Variants in TMEM272 observed in about 807,000 individuals in gnomAD.
TMEM272 encodes the protein transmembrane protein 272.
TMEM272 carries 8 observed loss-of-function variants against 3.7 expected under a neutral mutation model. The observed-to-expected ratio is 2.17, with a 90% CI of 1.27 to 3.91. The LOEUF is 3.91. Among genes scored for constraint, TMEM272 ranks in the 30% most tolerant of loss-of-function variants. The probability of loss-of-function intolerance (pLI) is 0.00; values close to 1 mark genes in which losing one functional copy is unlikely to be tolerated. For synonymous variants in TMEM272, 63 were observed against 39.8 expected (o/e 1.58, Z -2.20); for missense variants, 166 against 91.5 (o/e 1.81, Z -3.32).
At chr13:51,861,650 G>C in the TMEM272 span, among the ~76,000 whole-genome samples, 1 of 152,178 alleles carries the variant, frequency 6.6e-6, no homozygotes, top group Non-Finnish European at 1.5e-5. Flanking sequence ...ATGAGCCCTA[G>C]AAGGAGAGGA....
the TMEM272 span, among the ~76,000 whole-genome samples, chr13:51,878,639 A>AT: frequency 2.0e-5 from 3 of 152,072 alleles, no homozygotes; most frequent in Admixed American, 6.5e-5. Flanking sequence ...CCAATAGCTT[A>AT]TTTTTTAAGT....
the TMEM272 span, chr13:51,910,367 TAGTCCAGAAAGCGCTATAGCA>T: frequency 2.6e-6 from 3 of 1,134,558 alleles, no homozygotes; most frequent in Non-Finnish European, 4.0e-6. Context: ...TTTCTTCAAT[TAGTCCAGAAAGCGCTATAGCA>T]AGCTCTTTCT....
the TMEM272 span, among the ~76,000 whole-genome samples, chr13:51,873,827 T>C: frequency 1.6e-4 from 24 of 152,346 alleles, no homozygotes; most frequent in Middle Eastern, 3.4e-3. Context: ...ACCCATCTTC[T>C]AGCAGACTGT....
the TMEM272 span, among the ~76,000 whole-genome samples, chr13:51,867,420 G>C: frequency 1.3e-5 from 2 of 152,230 alleles, no homozygotes; most frequent in Admixed American, 6.5e-5. Context: ...TTGGCTGATA[G>C]TGGTGTCAAT....
At chr13:51,824,046 T>C (rs560792096) in intron 3 of TMEM272, among the ~76,000 whole-genome samples, 19 of 152,374 alleles carry the variant, frequency 1.2e-4, no homozygotes, top group African/African-American at 3.6e-4. Context: ...ATGGACTGCC[T>C]TTCAATTCAA....
chr13:51,831,715 T>C (rs1473020320), intron 2 of TMEM272, among the ~76,000 whole-genome samples: 1 of 152,248 alleles, frequency 6.6e-6, no homozygotes, highest in African/African-American at 2.4e-5. Flanking sequence ...TCCTCAGTCT[T>C]TGGAGCTCTC....
chr13:51,843,557 T>C (rs187814894), intron 1 of TMEM272, among the ~76,000 whole-genome samples: 89 of 152,356 alleles, frequency 5.8e-4, no homozygotes, highest in Admixed American at 4.7e-3. Context: ...TTTTAGTCAA[T>C]TTCTATACCT....
chr13:51,868,451 A>G, the TMEM272 span, among the ~76,000 whole-genome samples: 1 of 152,262 alleles, frequency 6.6e-6, no homozygotes, highest in Non-Finnish European at 1.5e-5. Flanking sequence ...TAAGCTGTGT[A>G]CAACTAATAT....
At chr13:51,826,646 A>C (rs1481661796) in intron 2 of TMEM272, 21 bp from the exon 3 acceptor site, 1 of 702,548 alleles carries the variant, frequency 1.4e-6, no homozygotes, top group African/African-American at 1.7e-5. Flanking sequence ...AAGAAGGGGC[A>C]GGCACTGGGT....
At chr13:51,930,134 C>A in the TMEM272 span, among the ~76,000 whole-genome samples, 2 of 152,120 alleles carry the variant, frequency 1.3e-5, no homozygotes, top group African/African-American at 4.8e-5. Context: ...CCTTCCCCCC[C>A]CCCACTTTCT....
At chr13:51,817,674 T>A (rs1034943707) in intron 4 of TMEM272, among the ~76,000 whole-genome samples, 1 of 152,178 alleles carries the variant, frequency 6.6e-6, no homozygotes, top group Non-Finnish European at 1.5e-5. Flanking sequence ...CTTGGAAGTT[T>A]GTACCACTGC....
At chr13:51,822,264 C>G in intron 3 of TMEM272, 127 bp from the exon 4 acceptor site, 1 of 590,942 alleles carries the variant, frequency 1.7e-6, no homozygotes, top group Middle Eastern at 2.6e-4. Flanking sequence ...CTTGTGGGAT[C>G]TGCTCAGCCT....
chr13:51,824,474 T>C lies in TMEM272; in HGVS notation c.118+2092A>G, dbSNP rs1270835770. Among the ~76,000 whole-genome samples, 9 of 152,240 alleles carry C rather than the reference T, an allele frequency of 5.9e-5. 1 individual carries two copies. Among genetic ancestry groups the C allele is most frequent in the Non-Finnish European group, 8.8e-5 (6 of 68,050 alleles). On this transcript the variant is annotated intron_variant, in intron 3 of 4. Transcript: ENST00000629372. ...CCATCACCACTATCTATTTCCAAAA[T>C]GTTTTCATCACCCCAAACACAAACT...
chr13:51,885,749 T>C, the TMEM272 span, among the ~76,000 whole-genome samples: 189 of 152,334 alleles, frequency 1.2e-3, no homozygotes, highest in African/African-American at 4.4e-3. Context: ...TTTCCCCTCC[T>C]AGGCACTTCC....
the TMEM272 span, among the ~76,000 whole-genome samples, chr13:51,882,059 G>A: frequency 3.9e-5 from 6 of 152,152 alleles, no homozygotes; most frequent in Non-Finnish European, 8.8e-5. Flanking sequence ...TTTCATTTAC[G>A]AAATTGTATT....
the TMEM272 span, chr13:51,865,324 C>T: frequency 1.4e-6 from 2 of 1,434,516 alleles, no homozygotes; most frequent in South Asian, 1.4e-5. Context: ...TTTCTGCTGC[C>T]CCCACAGGGT....
chr13:51,815,649 C>T lies in TMEM272; in HGVS notation c.*1102G>A, dbSNP rs1168446954. The T allele has an allele frequency of 6.6e-6, 1 of 152,242 alleles. No individual in the cohort carries two copies. Among genetic ancestry groups the T allele is most frequent in the African/African-American group, 2.4e-5 (1 of 41,460 alleles). 9.4% of individuals were successfully genotyped at this position (152,242 alleles called of 1,614,324 possible). A position where few individuals can be genotyped will look rare whatever the true frequency, so the allele number is the denominator to read the frequency against. On this transcript the variant is annotated 3_prime_UTR_variant, in exon 5 of 5. Transcript: ENST00000629372. ...GCACCCCTGGGCACTGCCCTAGAAA[C>T]ACTCATGACAGTATCTTCATACAAA...
chr13:51,884,239 A>C, the TMEM272 span, among the ~76,000 whole-genome samples: 1 of 69,312 alleles, frequency 1.4e-5, no homozygotes, highest in East Asian at 6.2e-4. Context: ...AATGACCCAT[A>C]ACCTGTATTT....
chr13:51,869,959 C>T, the TMEM272 span, among the ~76,000 whole-genome samples: 14 of 152,306 alleles, frequency 9.2e-5, no homozygotes, highest in Admixed American at 6.5e-4. Flanking sequence ...GTAGAGGGGA[C>T]GGAGAAGCAG....
Sources: allele counts gnomAD v4.1 joint callset (sites outside exome capture counted in the v4.1 genomes callset), GRCh38; gene constraint gnomAD v4.1.1; transcripts MANE v1.5; gene names NCBI Gene and HGNC (gene_info 2026-07-23, HGNC 2026-07-21).